Variants in CCDC102B observed in about 807,000 individuals in gnomAD.
The protein encoded by CCDC102B is coiled-coil domain containing 102B, also known as coiled-coil domain-containing protein 102B.
A neutral mutation model predicts 57.4 loss-of-function variants in CCDC102B; 75 were observed. The ratio of observed to expected loss-of-function variants is 1.31; its 90% CI spans 1.08 to 1.58. The LOEUF (loss-of-function observed/expected upper bound fraction) is 1.58. CCDC102B is among the 40% of genes most tolerant of loss of function. The pLI, the probability that CCDC102B is intolerant of heterozygous loss-of-function variation, is 0.00. For missense variants in CCDC102B, 636 were observed against 582.6 expected, an observed-to-expected ratio of 1.09 and a Z score of -0.94; for synonymous variants, 206 against 201.9, an observed-to-expected ratio of 1.02 and a Z score of -0.17.
chr18:68,848,689 G>T (rs570144042), intron 4 of CCDC102B, among the ~76,000 whole-genome samples: 1 of 152,134 alleles, frequency 6.6e-6, no homozygotes, highest in Non-Finnish European at 1.5e-5. Context: ...TTGCAAGTCT[G>T]TCTATATTGA....
At chr18:68,810,457 T>C (rs2036200583) in intron 1 of CCDC102B, among the ~76,000 whole-genome samples, 1 of 152,142 alleles carries the variant, frequency 6.6e-6, no homozygotes, top group African/African-American at 2.4e-5. Context: ...TACAATATCA[T>C]TAGAAAAATA....
chr18:68,757,783 G>A (rs2034104175), intron 2 of CCDC102B, among the ~76,000 whole-genome samples: 1 of 152,060 alleles, frequency 6.6e-6, no homozygotes, highest in Non-Finnish European at 1.5e-5. Context: ...ATTTGTTATG[G>A]TGTAAATTTA....
intron 6 of CCDC102B, among the ~76,000 whole-genome samples, chr18:68,923,037 A>G (rs1222632933): frequency 6.6e-6 from 1 of 152,140 alleles, no homozygotes; most frequent in Non-Finnish European, 1.5e-5. Context: ...ATTACATTGA[A>G]TGGGTCAATG....
intron 4 of CCDC102B, among the ~76,000 whole-genome samples, chr18:68,850,149 T>C (rs1008253004): frequency 6.6e-6 from 1 of 152,136 alleles, no homozygotes; most frequent in Admixed American, 6.6e-5. Context: ...AGCATCTAAC[T>C]AGTTTCTGCA....
At chr18:68,847,741 A>ATAGG (rs1425139180) in intron 4 of CCDC102B, among the ~76,000 whole-genome samples, 1 of 151,780 alleles carries the variant, frequency 6.6e-6, no homozygotes, top group Admixed American at 6.6e-5. Context: ...TAAAATGCTG[A>ATAGG]TAGGGTTTCA....
chr18:68,795,375 G>C (rs761770334), upstream of CCDC102B, among the ~76,000 whole-genome samples: 1 of 152,144 alleles, frequency 6.6e-6, no homozygotes, highest in Non-Finnish European at 1.5e-5. Flanking sequence ...ATATATTTCA[G>C]AATTATATGT....
intron 6 of CCDC102B, among the ~76,000 whole-genome samples, chr18:68,980,395 G>GAA (rs200646247): frequency 0.013 from 1,691 of 132,486 alleles, 41 homozygotes; most frequent in African/African-American, 0.044. Context: ...AGGTCTTGGT[G>GAA]AAAAAAAAAA....
chr18:68,941,745 A>G (rs1400431826), intron 6 of CCDC102B, among the ~76,000 whole-genome samples: 2 of 152,150 alleles, frequency 1.3e-5, no homozygotes, highest in African/African-American at 4.8e-5. Context: ...ATGTGATGAT[A>G]TCATAAGGCA....
At chr18:68,945,169 C>T (rs1421888740) in intron 6 of CCDC102B, among the ~76,000 whole-genome samples, 1 of 134,458 alleles carries the variant, frequency 7.4e-6, no homozygotes, top group South Asian at 2.3e-4. Context: ...TATCACCCCA[C>T]AGGTACAAGT....
chr18:69,000,775 A>G (rs1260023967), intron 6 of CCDC102B, among the ~76,000 whole-genome samples: 1 of 152,226 alleles, frequency 6.6e-6, no homozygotes, highest in Admixed American at 6.5e-5. Context: ...GGGAACCTGC[A>G]GCGTCAAATT....
At position 68,838,891 on chromosome 18, in the gene CCDC102B, G is replaced by A. The variant is rs749638792; in HGVS notation, c.792G>A (p.Leu264=). 1.2e-6 allele frequency: 2 copies of A among 1,613,874 alleles called. No individual in the cohort carries two copies. The highest frequency in any genetic ancestry group is 1.7e-5 in the Admixed American group (1 of 59,998). Residue 264 remains leucine (L), a synonymous_variant, in exon 3 of 8, where the codon TTG becomes TTA. Transcript: ENST00000360242. ...AAATTTCAGCTTTGCAGGTGCATTT[G>A]GATGAATTCCAAAAAATCTTATGGA... The part of the protein sequence containing the change: ...VTEISALQVH[L]DEFQKILWKE...
In CCDC102B at chr18:69,030,565, T is replaced by C. The variant is rs540097137; in HGVS notation, c.1434+19461T>C. Among the ~76,000 whole-genome samples, 368 of 152,352 alleles carry C rather than the reference T, an allele frequency of 2.4e-3. 2 individuals are homozygous for C. Among genetic ancestry groups the C allele is most frequent in the African/African-American group, 7.6e-3 (318 of 41,590 alleles). ...GCACTTTGGGAATCTTTTCTTGTTCTTTGAACTTCCACAAGAATATGGTCA... is the reference window on the plus strand; with the variant it reads ...GCACTTTGGGAATCTTTTCTTGTTCCTTGAACTTCCACAAGAATATGGTCA... On this transcript the variant is annotated intron_variant, in intron 7 of 7. Coordinates refer to ENST00000360242, the MANE Select transcript of CCDC102B (RefSeq NM_024781.3).
Position 68,985,439 on chromosome 18 carries a change from G to C in CCDC102B, c.1264-25495G>C, listed in dbSNP as rs112994039. ...CCATCTGGTAAATAGAAATACTCTA[G>C]ATCTATGAACAGAGGGTATTTAATA... On this transcript the variant is annotated intron_variant, in intron 6 of 7. Transcript: ENST00000360242. Among the ~76,000 whole-genome samples, 203 of 152,200 alleles carry C rather than the reference G, an allele frequency of 1.3e-3. 1 individual carries two copies. The highest frequency in any genetic ancestry group is 4.5e-3 in the African/African-American group (187 of 41,542).
intron 1 of CCDC102B, among the ~76,000 whole-genome samples, chr18:68,821,638 C>A (rs1035803141): frequency 1.2e-4 from 18 of 151,670 alleles, no homozygotes; most frequent in South Asian, 2.1e-4. Context: ...AAAGTTCTTT[C>A]TTTTCCTTCT....
At position 69,022,222 on chromosome 18, in the gene CCDC102B, T is replaced by TATATATATATATAAAA. The variant is rs1395799223; in HGVS notation, c.1434+11119_1434+11120insTATATATATATAAAAA. On this transcript the variant is annotated intron_variant, in intron 7 of 7. Transcript: ENST00000360242. Reference sequence around the variant, plus strand: ...ATATATATATATATATATATATATATAACACACACACACGCGTGCGTGTGC... The same window carrying TATATATATATATAAAA: ...ATATATATATATATATATATATATATATATATATATATAAAAAACACACACACACGCGTGCGTGTGC... Among the ~76,000 whole-genome samples, 173 of 94,950 alleles carry TATATATATATATAAAA rather than the reference T, an allele frequency of 1.8e-3. No individual in the cohort carries two copies. The East Asian group carries it at 0.021, about 11-fold the overall frequency. The allele number at this position is 94,950 out of a possible 152,430, so 62.3% of individuals were successfully genotyped here. A position where few individuals can be genotyped will look rare whatever the true frequency, so the allele number is the denominator to read the frequency against.
chr18:69,026,147 G>C (rs1336017100), intron 7 of CCDC102B, among the ~76,000 whole-genome samples: 2 of 152,080 alleles, frequency 1.3e-5, no homozygotes. Flanking sequence ...AAAGGAGCTG[G>C]AATACTCCGC....
intron 7 of CCDC102B, among the ~76,000 whole-genome samples, chr18:69,012,164 A>G (rs2051536078): frequency 6.6e-6 from 1 of 152,110 alleles, no homozygotes; most frequent in Admixed American, 6.6e-5. Context: ...TGGAAGAGTA[A>G]GTTGGAAGGG....
At chr18:68,933,320 T>C (rs2041741923) in intron 6 of CCDC102B, among the ~76,000 whole-genome samples, 1 of 151,928 alleles carries the variant, frequency 6.6e-6, no homozygotes, top group African/African-American at 2.4e-5. Context: ...TTGCTATTTT[T>C]TTCACAACTT....
At position 68,736,337 on chromosome 18, in the gene CCDC102B, A is replaced by G. The variant is rs533981517; in HGVS notation, c.-67+19743A>G. ...CGTCAGAAACAGTGATGATAATCTT[A>G]AAGTCCAGGAATGGCATCTGTGAAA... On this transcript the variant is annotated intron_variant, in intron 2 of 3. Transcript: ENST00000578970. Among the ~76,000 whole-genome samples the G allele has an allele frequency of 2.0e-5, 3 of 152,310 alleles. No individual in the cohort carries two copies. The East Asian group carries it at 5.8e-4, about 29-fold the overall frequency.
Sources: gnomAD v4.1 joint callset for allele counts (sites outside exome capture counted in the v4.1 genomes callset) on GRCh38, gnomAD v4.1.1 for gene constraint, MANE v1.5 for transcripts, NCBI Gene and HGNC (gene_info 2026-07-23, HGNC 2026-07-21) for gene names.